Variants in TBL1XR1 observed in about 807,000 individuals in gnomAD.
The protein encoded by TBL1XR1 is F-box-like/WD repeat-containing protein TBL1XR1.
TBL1XR1 carries 5 observed loss-of-function variants against 66.9 expected under a neutral mutation model. The ratio of observed to expected loss-of-function variants is 0.07; its 90% CI spans 0.04 to 0.16. The LOEUF is 0.16. Among genes scored for constraint, TBL1XR1 ranks in the 10% least tolerant of loss-of-function variants. The probability of loss-of-function intolerance (pLI) is 1.00; values close to 1 mark genes in which losing one functional copy is unlikely to be tolerated. For synonymous variants in TBL1XR1, 210 were observed against 206.0 expected (o/e 1.02, Z -0.17); for missense variants, 238 against 623.2 (o/e 0.38, Z 6.58).
At chr3:177,167,447 C>T (rs1577364556) in intron 1 of TBL1XR1, among the ~76,000 whole-genome samples, 1 of 152,206 alleles carries the variant, frequency 6.6e-6, no homozygotes. Context: ...GAACGTACAA[C>T]ACCAAGAGTG....
At chr3:177,108,714 G>A (rs1009321388) in intron 1 of TBL1XR1, among the ~76,000 whole-genome samples, 2 of 152,084 alleles carry the variant, frequency 1.3e-5, no homozygotes, top group Non-Finnish European at 2.9e-5. Flanking sequence ...CAAAAAAATT[G>A]TTTGAATTAT....
At chr3:177,163,473 C>A (rs1422507212) in intron 1 of TBL1XR1, among the ~76,000 whole-genome samples, 1 of 151,540 alleles carries the variant, frequency 6.6e-6, no homozygotes, top group African/African-American at 2.4e-5. Context: ...CATGCCATTA[C>A]CATCCAGCCT....
At chr3:177,185,715 T>A (rs550520434) in intron 1 of TBL1XR1, among the ~76,000 whole-genome samples, 95 of 151,640 alleles carry the variant, frequency 6.3e-4, no homozygotes, top group South Asian at 1.2e-3. Flanking sequence ...AATAAATATA[T>A]AAAAGAAGCA....
chr3:177,026,076 C>T, intron 15 of TBL1XR1: 1 of 389,384 alleles, frequency 2.6e-6, no homozygotes, highest in South Asian at 3.4e-5. Flanking sequence ...ACACATTAAA[C>T]ATTTCAATCC....
At chr3:177,155,801 G>C (rs974746311) in intron 1 of TBL1XR1, among the ~76,000 whole-genome samples, 1 of 152,162 alleles carries the variant, frequency 6.6e-6, no homozygotes, top group Non-Finnish European at 1.5e-5. Flanking sequence ...CCTGAGGTCA[G>C]GAGTTCGAGA....
intron 1 of TBL1XR1, among the ~76,000 whole-genome samples, chr3:177,105,685 C>A: frequency 6.6e-6 from 1 of 152,170 alleles, no homozygotes; most frequent in East Asian, 1.9e-4. Context: ...CAGATTAGAA[C>A]CTAACTATGA....
At chr3:177,187,646 C>CA (rs753545109) in intron 1 of TBL1XR1, among the ~76,000 whole-genome samples, 73 of 151,970 alleles carry the variant, frequency 4.8e-4, no homozygotes, top group Admixed American at 8.5e-4. Context: ...AAACTAAGAA[C>CA]AAAAAACAAA....
intron 1 of TBL1XR1, among the ~76,000 whole-genome samples, chr3:177,141,040 A>T (rs569353677): frequency 3.3e-5 from 5 of 152,342 alleles, no homozygotes; most frequent in African/African-American, 1.2e-4. Flanking sequence ...ATAATAATAT[A>T]TTTAACTGGA....
intron 2 of TBL1XR1, among the ~76,000 whole-genome samples, chr3:177,083,619 T>C (rs1294831643): frequency 6.6e-6 from 1 of 152,124 alleles, no homozygotes; most frequent in African/African-American, 2.4e-5. Flanking sequence ...TTTTCAAACA[T>C]ATAGAAAAAA....
chr3:177,131,947 G>A (rs552852982), intron 1 of TBL1XR1, among the ~76,000 whole-genome samples: 1 of 149,158 alleles, frequency 6.7e-6, no homozygotes, highest in Non-Finnish European at 1.5e-5. Context: ...CACTCTGATT[G>A]TTAACCCCAG....
chr3:177,038,801 C>T (rs1715166084), intron 10 of TBL1XR1, among the ~76,000 whole-genome samples: 1 of 152,108 alleles, frequency 6.6e-6, no homozygotes, highest in African/African-American at 2.4e-5. Flanking sequence ...GTTCAATGGA[C>T]AAGAAGCCTC....
At chr3:177,160,252 A>C (rs1732021857) in intron 1 of TBL1XR1, among the ~76,000 whole-genome samples, 1 of 152,058 alleles carries the variant, frequency 6.6e-6, no homozygotes, top group African/African-American at 2.4e-5. Flanking sequence ...ATGGTAGTGC[A>C]TCATGACGTC....
At chr3:177,047,078 A>C (rs1716429308) in intron 9 of TBL1XR1, among the ~76,000 whole-genome samples, 1 of 152,216 alleles carries the variant, frequency 6.6e-6, no homozygotes, top group Non-Finnish European at 1.5e-5. Context: ...TATGGTTCAA[A>C]TTCCAGGTAA....
chr3:177,124,850 G>C (rs1242544820), intron 1 of TBL1XR1, among the ~76,000 whole-genome samples: 1 of 151,920 alleles, frequency 6.6e-6, no homozygotes, highest in African/African-American at 2.4e-5. Context: ...GCTGACAAAT[G>C]GTGTTACGAC....
intron 3 of TBL1XR1, among the ~76,000 whole-genome samples, chr3:177,055,664 A>G (rs575361394): frequency 1.7e-4 from 26 of 152,206 alleles, no homozygotes; most frequent in African/African-American, 6.0e-4. Flanking sequence ...AGAAAACAGA[A>G]TAAGGATGAG....
rs1717632247 is a variant in TBL1XR1, at chr3:177,055,148, TTGGCTAGCCTGTCTAG to T, written c.59-1246_59-1231del. On this transcript the variant is annotated intron_variant, in intron 3 of 15. Transcript: ENST00000457928. ...TGATTTAATCTATATAGTATGTCTG[TTGGCTAGCCTGTCTAG>T]CCTAGTTTTTTAGTGTTTAGTAATG... is the stretch of plus-strand genomic sequence containing the variant. Among the ~76,000 whole-genome samples the T allele has an allele frequency of 2.0e-5, 3 of 152,210 alleles. No homozygotes were observed. The South Asian group carries it at 6.2e-4, about 31-fold the overall frequency.
intron 10 of TBL1XR1, chr3:177,045,027 T>C (rs1428904344): frequency 6.6e-6 from 1 of 152,192 alleles, no homozygotes; most frequent in Admixed American, 6.5e-5. Context: ...AGTGGTGAGC[T>C]TTAATCAAGT....
At chr3:177,171,702 C>CAAAAAAAAA (rs34278942) in intron 1 of TBL1XR1, among the ~76,000 whole-genome samples, 1 of 47,294 alleles carries the variant, frequency 2.1e-5, no homozygotes, top group African/African-American at 9.2e-5. Flanking sequence ...GACTCCGTCT[C>CAAAAAAAAA]AAAAAAAAAA....
In TBL1XR1 at chr3:177,020,412, C is replaced by T. The variant is rs781092656; in HGVS notation, c.*5086G>A. The T allele has an allele frequency of 3.3e-5, 5 of 152,046 alleles. No individual in the cohort carries two copies. The highest frequency in any genetic ancestry group is 5.9e-5 in the Non-Finnish European group (4 of 67,992). 9.4% of individuals were successfully genotyped at this position (152,046 alleles called of 1,614,324 possible). On this transcript the variant is annotated 3_prime_UTR_variant, in exon 16 of 16. Transcript: ENST00000457928. ...ACCCCTTCATTTAAAAAAATCTTAT[C>T]TCCTGCAAGAAGTAATAAAAATAGT...
Sources: allele counts gnomAD v4.1 joint callset (sites outside exome capture counted in the v4.1 genomes callset), GRCh38; gene constraint gnomAD v4.1.1; transcripts MANE v1.5; gene names NCBI Gene and HGNC (gene_info 2026-07-23, HGNC 2026-07-21).